The following LSAMP variants were observed in gnomAD, a reference collection of about 807,000 sequenced individuals.
LSAMP encodes the protein limbic system-associated membrane protein.
Under a neutral mutation model 38.6 loss-of-function variants are expected in LSAMP, and 7 were observed. That is an observed-to-expected ratio of 0.18 (90% confidence interval 0.10 to 0.34). The LOEUF (loss-of-function observed/expected upper bound fraction) is 0.34. LSAMP is among the 10% of genes least tolerant of loss of function. LSAMP has a pLI of 1.00. For synonymous variants in LSAMP, 154 were observed against 166.8 expected, an observed-to-expected ratio of 0.92 and a Z score of 0.59; for missense variants, 313 against 420.0, an observed-to-expected ratio of 0.75 and a Z score of 2.23.
intron 1 of LSAMP, among the ~76,000 whole-genome samples, chr3:116,296,709 A>G (rs1307293833): frequency 3.3e-5 from 5 of 150,740 alleles, no homozygotes; most frequent in African/African-American, 1.2e-4. Flanking sequence ...AAAAAAAAAA[A>G]AAAAAAAAAA....
At position 115,802,383 on chromosome 3, in the gene LSAMP, A is replaced by T. The variant is rs1293467784; in HGVS notation, c.*7934T>A. 6.6e-6 allele frequency: 1 copy of T among 152,164 alleles called. No homozygotes were observed. The highest frequency in any genetic ancestry group is 2.4e-5 in the African/African-American group (1 of 41,428). The allele number at this position is 152,164 out of a possible 1,614,324, so 9.4% of individuals were successfully genotyped here. A position where few individuals can be genotyped will look rare whatever the true frequency, so the allele number is the denominator to read the frequency against. ...ATCACTGACAGGTCAATGAAGACAC[A>T]TCTCCTTTTCACGTTTATTTCATTT... On this transcript the variant is annotated 3_prime_UTR_variant, in exon 7 of 7. Transcript: ENST00000490035.
intron 3 of LSAMP, among the ~76,000 whole-genome samples, chr3:115,860,964 T>A (rs1263519005): frequency 6.6e-6 from 1 of 152,050 alleles, no homozygotes; most frequent in Non-Finnish European, 1.5e-5. Context: ...TACCACTACA[T>A]CTCCTTTAAG....
At chr3:116,308,746 C>T (rs1323659986) in intron 1 of LSAMP, among the ~76,000 whole-genome samples, 2 of 152,008 alleles carry the variant, frequency 1.3e-5, no homozygotes, top group Admixed American at 1.3e-4. Flanking sequence ...CTGACATTAC[C>T]ACTACGACCT....
At chr3:116,377,480 T>C (rs1248130772) in intron 1 of LSAMP, among the ~76,000 whole-genome samples, 2 of 152,084 alleles carry the variant, frequency 1.3e-5, no homozygotes, top group East Asian at 3.9e-4. Flanking sequence ...CATTCCATCA[T>C]TGATGGGCAT....
intron 1 of LSAMP, among the ~76,000 whole-genome samples, chr3:116,257,868 A>T (rs1307691026): frequency 2.0e-5 from 3 of 152,214 alleles, no homozygotes; most frequent in South Asian, 2.1e-4. Flanking sequence ...CACTTCCGTT[A>T]TTGAAATTTT....
chr3:116,229,521 T>A (rs1393363731), intron 1 of LSAMP, among the ~76,000 whole-genome samples: 1 of 152,120 alleles, frequency 6.6e-6, no homozygotes, highest in Non-Finnish European at 1.5e-5. Flanking sequence ...ACAGGAACAC[T>A]TATAATTTGT....
At chr3:116,233,503 T>C (rs1490121121) in intron 1 of LSAMP, among the ~76,000 whole-genome samples, 1 of 151,808 alleles carries the variant, frequency 6.6e-6, no homozygotes, top group African/African-American at 2.4e-5. Flanking sequence ...CTCTTCCAGT[T>C]ATTTTGAAAT....
intron 1 of LSAMP, among the ~76,000 whole-genome samples, chr3:116,328,365 A>G (rs1262702798): frequency 1.3e-5 from 2 of 152,208 alleles, no homozygotes; most frequent in Non-Finnish European, 2.9e-5. Context: ...AATAGGCAAA[A>G]GACTGAGAAG....
chr3:115,945,669 T>C (rs1239680281), intron 3 of LSAMP, among the ~76,000 whole-genome samples: 6 of 152,114 alleles, frequency 3.9e-5, no homozygotes, highest in Admixed American at 3.9e-4. Flanking sequence ...ATCCAACCAC[T>C]TTTCCCTTCT....
At chr3:116,418,845 C>T (rs796986903) in intron 1 of LSAMP, among the ~76,000 whole-genome samples, 22 of 152,186 alleles carry the variant, frequency 1.4e-4, no homozygotes, top group African/African-American at 3.1e-4. Context: ...TTGCTAAAAC[C>T]GCTTGAGCTC....
intron 1 of LSAMP, among the ~76,000 whole-genome samples, chr3:116,328,804 A>T (rs890240019): frequency 1.3e-5 from 2 of 152,194 alleles, no homozygotes; most frequent in Non-Finnish European, 2.9e-5. Context: ...GATAATTTTT[A>T]TTTAAGGTTT....
intron 1 of LSAMP, among the ~76,000 whole-genome samples, chr3:116,101,180 T>C (rs147086992): frequency 7.2e-4 from 110 of 152,278 alleles, no homozygotes; most frequent in Non-Finnish European, 1.2e-3. Context: ...TATAAGAGTG[T>C]CCCCACTCTG....
chr3:116,328,827 A>C (rs1457459812), intron 1 of LSAMP, among the ~76,000 whole-genome samples: 1 of 152,182 alleles, frequency 6.6e-6, no homozygotes, highest in Non-Finnish European at 1.5e-5. Flanking sequence ...AAGAAAAATT[A>C]ATGTATAGTT....
chr3:115,856,421 C>T (rs539125427), intron 3 of LSAMP, among the ~76,000 whole-genome samples: 1 of 152,176 alleles, frequency 6.6e-6, no homozygotes, highest in East Asian at 1.9e-4. Flanking sequence ...AGTTCAAAAC[C>T]AGCCAGGCCA....
At chr3:116,417,815 G>C (rs1243507967) in intron 1 of LSAMP, among the ~76,000 whole-genome samples, 2 of 146,848 alleles carry the variant, frequency 1.4e-5, no homozygotes, top group Admixed American at 6.6e-5. Flanking sequence ...TATCTTTGAG[G>C]CTCCATCAGT....
At chr3:116,175,002 C>T (rs1294654177) in intron 1 of LSAMP, among the ~76,000 whole-genome samples, 2 of 152,072 alleles carry the variant, frequency 1.3e-5, no homozygotes, top group African/African-American at 4.8e-5. Flanking sequence ...CAAATGTCTC[C>T]TCCATCAATA....
intron 1 of LSAMP, among the ~76,000 whole-genome samples, chr3:116,316,979 C>G (rs1286301829): frequency 6.6e-6 from 1 of 152,084 alleles, no homozygotes; most frequent in Non-Finnish European, 1.5e-5. Context: ...GTGAAGCCAG[C>G]TGGATTTCCC....
At chr3:115,850,098 C>A (rs1296968653) in intron 4 of LSAMP, among the ~76,000 whole-genome samples, 1 of 152,128 alleles carries the variant, frequency 6.6e-6, no homozygotes, top group Non-Finnish European at 1.5e-5. Context: ...AAATTTCTGT[C>A]CATATTCTGT....
At chr3:116,279,717 T>C (rs1374193983) in intron 1 of LSAMP, among the ~76,000 whole-genome samples, 1 of 152,322 alleles carries the variant, frequency 6.6e-6, no homozygotes, top group East Asian at 1.9e-4. Flanking sequence ...GAGTATATAT[T>C]ATCTGTATTG....
Sources: gnomAD v4.1 joint callset for allele counts (sites outside exome capture counted in the v4.1 genomes callset) on GRCh38, gnomAD v4.1.1 for gene constraint, MANE v1.5 for transcripts, NCBI Gene and HGNC (gene_info 2026-07-23, HGNC 2026-07-21) for gene names.